Variants in ANGPT2 observed in about 807,000 individuals in gnomAD.
ANGPT2 encodes the protein angiopoietin 2.
A neutral mutation model predicts 62.9 loss-of-function variants in ANGPT2; 28 were observed. The ratio of observed to expected loss-of-function variants is 0.44; its 90% CI spans 0.33 to 0.61. The LOEUF (loss-of-function observed/expected upper bound fraction) is 0.61. Among genes scored for constraint, ANGPT2 ranks in the 20% least tolerant of loss-of-function variants. The pLI, the probability that ANGPT2 is intolerant of heterozygous loss-of-function variation, is 0.03. For missense variants in ANGPT2, 727 were observed against 594.9 expected, an observed-to-expected ratio of 1.22 and a Z score of -2.31; for synonymous variants, 284 against 207.8, an observed-to-expected ratio of 1.37 and a Z score of -3.15.
intron 1 of ANGPT2, among the ~76,000 whole-genome samples, chr8:6,538,747 A>C (rs575814488): frequency 2.4e-4 from 36 of 152,324 alleles, no homozygotes; most frequent in Admixed American, 1.8e-3. Flanking sequence ...CACAGACAAT[A>C]GGTTAATGTT....
At chr8:6,514,243 G>A (rs1339625793) in intron 6 of ANGPT2, among the ~76,000 whole-genome samples, 2 of 152,168 alleles carry the variant, frequency 1.3e-5, no homozygotes. Flanking sequence ...AGGCTGGAGT[G>A]CAGTGGTGTG....
intron 1 of ANGPT2, among the ~76,000 whole-genome samples, chr8:6,538,777 G>A (rs1563090004): frequency 4.6e-5 from 7 of 152,206 alleles, no homozygotes; most frequent in Admixed American, 4.6e-4. Context: ...TTGGTGAAGA[G>A]TGAACAGAAT....
chr8:6,559,653 C>G (rs938201357), intron 1 of ANGPT2, among the ~76,000 whole-genome samples: 2 of 152,070 alleles, frequency 1.3e-5, no homozygotes, highest in African/African-American at 4.8e-5. Context: ...TAGTTCTTTC[C>G]TTTCCATATT....
rs1491342925 is a variant in ANGPT2, at chr8:6,505,446, TAC to T, written c.1328-2187_1328-2186del. On this transcript the variant is annotated intron_variant, in intron 8 of 8. Coordinates refer to ENST00000629816, the MANE Select transcript of ANGPT2 (RefSeq NM_001118887.2). ...ATAAAGAATATATATATTCTTTATA[TAC>T]ATATAGAATATATATATTCTTTACA... Among the ~76,000 whole-genome samples the T allele has an allele frequency of 8.8e-4, 69 of 78,306 alleles. 4 individuals are homozygous for T. The highest frequency in any genetic ancestry group is 3.4e-3 in the African/African-American group (68 of 20,018). The allele number at this position is 78,306 out of a possible 152,430, so 51.4% of individuals were successfully genotyped here.
intron 1 of ANGPT2, among the ~76,000 whole-genome samples, chr8:6,548,553 C>T (rs1002547864): frequency 6.6e-6 from 1 of 152,168 alleles, no homozygotes; most frequent in Non-Finnish European, 1.5e-5. Context: ...AAAGATCAGA[C>T]CAGCCAAACT....
chr8:6,512,862 G>C (rs548514214), intron 7 of ANGPT2, among the ~76,000 whole-genome samples: 135 of 152,322 alleles, frequency 8.9e-4, no homozygotes, highest in African/African-American at 3.2e-3. Flanking sequence ...ATTTCCTGTA[G>C]AGGAGAGCAG....
At chr8:6,542,876 C>G (rs949113180) in intron 1 of ANGPT2, among the ~76,000 whole-genome samples, 2 of 152,114 alleles carry the variant, frequency 1.3e-5, no homozygotes, top group Admixed American at 1.3e-4. Flanking sequence ...AAAAGGCTAG[C>G]GAAACTTAGA....
chr8:6,527,808 T>C (rs892589883), intron 2 of ANGPT2, 132 bp from the exon 3 acceptor site: 6 of 869,878 alleles, frequency 6.9e-6, no homozygotes, highest in African/African-American at 6.8e-5. Flanking sequence ...AAGTATCTTA[T>C]TTTGGCATAT....
chr8:6,555,842 G>A (rs111649785), intron 1 of ANGPT2, among the ~76,000 whole-genome samples: 13 of 152,276 alleles, frequency 8.5e-5, no homozygotes, highest in African/African-American at 3.1e-4. Context: ...ATTACAAGGT[G>A]GAATTTCTTA....
At position 6,532,575 on chromosome 8, in the gene ANGPT2, A is replaced by T. The variant is rs1385251830; in HGVS notation, c.289-88T>A. ...TGTTTGTCGTCTCCTCCCTATCTTT[A>T]AAAAAAAAAAAAAAAAATCTATCAA... On this transcript the variant is annotated intron_variant, in intron 1 of 8. Coordinates refer to ENST00000629816, the MANE Select transcript of ANGPT2 (RefSeq NM_001118887.2). 1.5e-4 allele frequency: 25 copies of T among 166,726 alleles called. No homozygotes were observed. Among genetic ancestry groups the T allele is most frequent in the South Asian group, 4.0e-4 (2 of 4,952 alleles). 10.3% of individuals were successfully genotyped at this position (166,726 alleles called of 1,614,324 possible).
chr8:6,539,444 T>C (rs1324616676), intron 1 of ANGPT2, among the ~76,000 whole-genome samples: 2 of 152,148 alleles, frequency 1.3e-5, no homozygotes, highest in African/African-American at 4.8e-5. Flanking sequence ...AATTTCCTAG[T>C]GGGTATTGTG....
rs141170504 is a variant in ANGPT2 at position 6,519,974 on chromosome 8, C to T, written c.817G>A (p.Ala273Thr). 2.7e-5 allele frequency: 43 copies of T among 1,613,908 alleles called. No individual in the cohort carries two copies. Among genetic ancestry groups the T allele is most frequent in the Non-Finnish European group, 3.6e-5 (42 of 1,179,940 alleles). ...STSNSKDPTVAKEEQISFRDC... is the reference protein window; with the variant it reads ...STSNSKDPTVTKEEQISFRDC... ...CTGAAGCTGATTTGTTCTTCTTTAG[C>T]AACAGTGGGGTCCTTAGCTGCTTTT... The change falls in exon 5 of 9, where the codon GCT (alanine) becomes ACT (threonine). Residue 273 changes from alanine to threonine, a missense_variant. By Grantham distance (58) the Ala-to-Thr change is moderately conservative. Coordinates refer to ENST00000629816, the MANE Select transcript of ANGPT2 (RefSeq NM_001118887.2).
intron 1 of ANGPT2, among the ~76,000 whole-genome samples, chr8:6,545,278 A>G (rs1822370132): frequency 6.6e-6 from 1 of 152,202 alleles, no homozygotes; most frequent in Non-Finnish European, 1.5e-5. Context: ...TACATGAGTG[A>G]ATCCATATTT....
intron 2 of ANGPT2, among the ~76,000 whole-genome samples, chr8:6,531,660 A>G (rs1232620064): frequency 6.6e-6 from 1 of 152,226 alleles, no homozygotes; most frequent in African/African-American, 2.4e-5. Flanking sequence ...CACAGTGGAA[A>G]GAGAACTTAG....
intron 5 of ANGPT2, among the ~76,000 whole-genome samples, chr8:6,518,756 C>T (rs1008505228): frequency 6.6e-6 from 1 of 152,154 alleles, no homozygotes; most frequent in Admixed American, 6.5e-5. Flanking sequence ...CAATATGTAG[C>T]TGCTTTTACA....
rs749461000 is a variant in ANGPT2, at chr8:6,513,799, C to G, written c.1075G>C (p.Val359Leu). 4 of 1,613,892 alleles carry G rather than the reference C, an allele frequency of 2.5e-6. No individual in the cohort carries two copies. The highest frequency in any genetic ancestry group is 2.5e-6 in the Non-Finnish European group (3 of 1,179,954). The change falls in exon 7 of 9, where the codon GTT becomes CTT. Residue 359 changes from valine (V) to leucine (L), a missense_variant. Coordinates refer to ENST00000629816, the MANE Select transcript of ANGPT2 (RefSeq NM_001118887.2). Reference protein sequence around the residue: ...SGEYWLGNEFVSQLTNQQRYV... With the variant: ...SGEYWLGNEFLSQLTNQQRYV... ...CGTTGCTGATTAGTCAGTTGCGAAA[C>G]AAACTCATTTCCCAGCCAATATTCT...
intron 7 of ANGPT2, 50 bp downstream of exon 7, chr8:6,513,628 C>T (rs373334690): frequency 1.8e-5 from 28 of 1,548,624 alleles, no homozygotes; most frequent in South Asian, 3.7e-5. Context: ...CCACCGTGCC[C>T]GGCCACAAAT....
In ANGPT2 at chr8:6,500,093, G is replaced by A. The variant is rs145806658; in HGVS notation, c.*3008C>T. ...ACACCTTTTATCAATTTATTCGCGAGAACAAATGTGAGAACGTGAGACCAT... is the reference window on the plus strand; with the variant it reads ...ACACCTTTTATCAATTTATTCGCGAAAACAAATGTGAGAACGTGAGACCAT... On this transcript the variant is annotated 3_prime_UTR_variant, in exon 9 of 9. Transcript: ENST00000629816. The A allele has an allele frequency of 1.1e-5, 7 of 659,066 alleles. No individual in the cohort carries two copies. Among genetic ancestry groups the A allele is most frequent in the African/African-American group, 9.0e-5 (5 of 55,566 alleles). The allele number at this position is 659,066 out of a possible 1,614,324, so 40.8% of individuals were successfully genotyped here.
Position 6,499,964 on chromosome 8 carries a change from G to C in ANGPT2, c.*3137C>G. On this transcript the variant is annotated 3_prime_UTR_variant, in exon 9 of 9. Coordinates refer to ENST00000629816, the MANE Select transcript of ANGPT2 (RefSeq NM_001118887.2). Reference sequence around the variant, plus strand: ...ATGTTGTTTTACGATGGTAAATGCAGTTTGCTGTTCTCAAGAAATTATTAT... The same window carrying C: ...ATGTTGTTTTACGATGGTAAATGCACTTTGCTGTTCTCAAGAAATTATTAT... The C allele has an allele frequency of 2.6e-6, 4 of 1,565,670 alleles. No individual in the cohort carries two copies. Among genetic ancestry groups the C allele is most frequent in the Non-Finnish European group, 3.5e-6 (4 of 1,136,344 alleles).
Sources: gnomAD v4.1 joint callset for allele counts (sites outside exome capture counted in the v4.1 genomes callset) on GRCh38, gnomAD v4.1.1 for gene constraint, MANE v1.5 for transcripts, NCBI Gene and HGNC (gene_info 2026-07-23, HGNC 2026-07-21) for gene names.